The following LRRC4C variants were observed in gnomAD, a reference collection of about 807,000 sequenced individuals.
The protein encoded by LRRC4C is leucine rich repeat containing 4C, also known as leucine-rich repeat-containing protein 4C.
LRRC4C carries 5 observed loss-of-function variants against 33.6 expected under a neutral mutation model. The ratio of observed to expected loss-of-function variants is 0.15; its 90% CI spans 0.08 to 0.31. LRRC4C has a LOEUF of 0.31. Among genes scored for constraint, LRRC4C ranks in the 10% least tolerant of loss-of-function variants. The pLI, the probability that LRRC4C is intolerant of heterozygous loss-of-function variation, is 1.00. For missense variants in LRRC4C, 560 were observed against 796.7 expected (o/e 0.70, Z 3.58); for synonymous variants, 329 against 302.0 (o/e 1.09, Z -0.93).
At chr11:41,030,820 A>G (rs1856684992) in intron 1 of LRRC4C, among the ~76,000 whole-genome samples, 1 of 151,898 alleles carries the variant, frequency 6.6e-6, no homozygotes, top group Admixed American at 6.6e-5. Context: ...ACACACATAT[A>G]TATATACACA....
At chr11:41,434,923 G>A (rs1317081494) in intron 1 of LRRC4C, among the ~76,000 whole-genome samples, 1 of 152,162 alleles carries the variant, frequency 6.6e-6, no homozygotes, top group East Asian at 1.9e-4. Context: ...AGGCTGAGGT[G>A]TGAGGGAAAG....
At chr11:40,795,878 G>C (rs1565072209) in intron 2 of LRRC4C, among the ~76,000 whole-genome samples, 1 of 152,042 alleles carries the variant, frequency 6.6e-6, no homozygotes, top group Non-Finnish European at 1.5e-5. Context: ...AGAATTAATA[G>C]GGCCACCTCC....
chr11:40,818,202 A>G (rs1316276643), intron 2 of LRRC4C, among the ~76,000 whole-genome samples: 1 of 152,204 alleles, frequency 6.6e-6, no homozygotes, highest in Non-Finnish European at 1.5e-5. Flanking sequence ...CAAGGTTAAG[A>G]TGCTTCTCCT....
intron 3 of LRRC4C, among the ~76,000 whole-genome samples, chr11:40,546,313 C>T (rs1490116639): frequency 2.6e-5 from 4 of 151,922 alleles, no homozygotes. Context: ...ATAATAGCAA[C>T]ACCAAGTTCA....
chr11:40,414,138 T>C (rs1264967837), intron 3 of LRRC4C, among the ~76,000 whole-genome samples: 1 of 152,116 alleles, frequency 6.6e-6, no homozygotes, highest in Non-Finnish European at 1.5e-5. Context: ...TGTCTTTAAA[T>C]GTTTCATTTT....
chr11:41,047,111 T>C (rs1342352646), intron 1 of LRRC4C, among the ~76,000 whole-genome samples: 1 of 152,120 alleles, frequency 6.6e-6, no homozygotes, highest in Admixed American at 6.6e-5. Flanking sequence ...TTATAAATCA[T>C]ATCTCTAATA....
intron 3 of LRRC4C, among the ~76,000 whole-genome samples, chr11:40,355,649 G>A (rs971822099): frequency 3.9e-5 from 6 of 152,054 alleles, no homozygotes; most frequent in Non-Finnish European, 7.4e-5. Flanking sequence ...TGTCCCTCCC[G>A]CAAGCACAGA....
At chr11:40,615,344 A>G (rs1961695774) in intron 3 of LRRC4C, among the ~76,000 whole-genome samples, 1 of 150,230 alleles carries the variant, frequency 6.7e-6, no homozygotes, top group African/African-American at 2.5e-5. Context: ...TCAGTGGCCC[A>G]GTACCTAGAT....
intron 1 of LRRC4C, among the ~76,000 whole-genome samples, chr11:41,172,331 C>CA (rs111451562): frequency 0.083 from 12,582 of 152,150 alleles, 801 homozygotes; most frequent in African/African-American, 0.18. Flanking sequence ...TATTGTTCTG[C>CA]ATTTGCTTTC....
At chr11:41,147,681 A>C (rs992036389) in intron 1 of LRRC4C, among the ~76,000 whole-genome samples, 3 of 152,220 alleles carry the variant, frequency 2.0e-5, no homozygotes, top group Non-Finnish European at 4.4e-5. Flanking sequence ...CCTAAACCTA[A>C]ACATCATGGC....
At chr11:40,153,974 A>G (rs1171461719) in intron 5 of LRRC4C, among the ~76,000 whole-genome samples, 1 of 152,182 alleles carries the variant, frequency 6.6e-6, no homozygotes, top group African/African-American at 2.4e-5. Context: ...GCCTAGGCAC[A>G]CTGTCATCAG....
At chr11:41,319,319 G>A (rs890601644) in intron 1 of LRRC4C, among the ~76,000 whole-genome samples, 4 of 152,010 alleles carry the variant, frequency 2.6e-5, no homozygotes, top group Admixed American at 2.6e-4. Flanking sequence ...ATCTGCAAGG[G>A]GTGACCACTG....
chr11:41,278,050 G>A (rs376535256), intron 1 of LRRC4C, among the ~76,000 whole-genome samples: 1 of 152,072 alleles, frequency 6.6e-6, no homozygotes. Context: ...GAAGAGAAAG[G>A]CTGGGAGATG....
At chr11:41,407,795 A>G (rs1004021985) in intron 1 of LRRC4C, among the ~76,000 whole-genome samples, 4 of 152,146 alleles carry the variant, frequency 2.6e-5, no homozygotes, top group African/African-American at 9.7e-5. Context: ...GGCAGAGCAC[A>G]TGTCTCAAAG....
intron 3 of LRRC4C, among the ~76,000 whole-genome samples, chr11:40,569,181 C>T (rs930873962): frequency 6.6e-6 from 1 of 152,258 alleles, no homozygotes; most frequent in Admixed American, 6.5e-5. Flanking sequence ...CACACTTGTT[C>T]AGCCCACAGT....
intron 2 of LRRC4C, among the ~76,000 whole-genome samples, chr11:40,902,274 T>G (rs1175219272): frequency 6.6e-6 from 1 of 152,088 alleles, no homozygotes; most frequent in Non-Finnish European, 1.5e-5. Context: ...ATGTTACTGT[T>G]GTTATTGTTT....
chr11:41,101,635 TC>T (rs765722488), intron 1 of LRRC4C, among the ~76,000 whole-genome samples: 1 of 152,206 alleles, frequency 6.6e-6, no homozygotes, highest in Non-Finnish European at 1.5e-5. Context: ...CACCCAGCGA[TC>T]CCATTACTGG....
At chr11:40,793,964 A>G (rs1046036435) in intron 2 of LRRC4C, among the ~76,000 whole-genome samples, 2 of 152,086 alleles carry the variant, frequency 1.3e-5, no homozygotes, top group Admixed American at 1.3e-4. Flanking sequence ...TTCTTTCTCT[A>G]TTATCTTCAT....
At chr11:40,617,211 T>A (rs551800642) in intron 3 of LRRC4C, among the ~76,000 whole-genome samples, 6 of 151,898 alleles carry the variant, frequency 4.0e-5, no homozygotes, top group Admixed American at 6.6e-5. Flanking sequence ...GATAGCTATA[T>A]TTATTTCTAA....
Sources: gnomAD v4.1 joint callset for allele counts (sites outside exome capture counted in the v4.1 genomes callset) on GRCh38, gnomAD v4.1.1 for gene constraint, MANE v1.5 for transcripts, NCBI Gene and HGNC (gene_info 2026-07-23, HGNC 2026-07-21) for gene names.